Variants in CCSER1 observed in about 807,000 individuals in gnomAD.
CCSER1 encodes coiled-coil serine rich protein 1.
A neutral mutation model predicts 82.0 loss-of-function variants in CCSER1; 41 were observed. The ratio of observed to expected loss-of-function variants is 0.50; its 90% CI spans 0.39 to 0.65. The LOEUF (loss-of-function observed/expected upper bound fraction) is 0.65. Ranked by LOEUF, CCSER1 falls within the 30% of genes least tolerant of loss-of-function variation. The probability of loss-of-function intolerance (pLI) is 0.00; values close to 1 mark genes in which losing one functional copy is unlikely to be tolerated. For synonymous variants in CCSER1, 414 were observed against 383.9 expected, an observed-to-expected ratio of 1.08 and a Z score of -0.92; for missense variants, 1,119 against 1,064.2, an observed-to-expected ratio of 1.05 and a Z score of -0.72.
chr4:91,157,920 A>G (rs2148968623), intron 10 of CCSER1, among the ~76,000 whole-genome samples: 1 of 152,154 alleles, frequency 6.6e-6, no homozygotes, highest in Admixed American at 6.5e-5. Flanking sequence ...TCTTCAGGCA[A>G]TAAGAGGGTC....
intron 6 of CCSER1, among the ~76,000 whole-genome samples, chr4:90,707,057 C>T (rs577402092): frequency 5.5e-4 from 84 of 152,276 alleles, no homozygotes; most frequent in Admixed American, 2.2e-3. Context: ...CCCATGCCAT[C>T]AGACTGTATC....
At chr4:90,434,429 T>G (rs921764780) in intron 4 of CCSER1, among the ~76,000 whole-genome samples, 6 of 152,188 alleles carry the variant, frequency 3.9e-5, no homozygotes, top group Non-Finnish European at 8.8e-5. Context: ...CATCATTTTT[T>G]CCAGGCTTAT....
intron 8 of CCSER1, among the ~76,000 whole-genome samples, chr4:90,866,099 A>T (rs1283144251): frequency 2.6e-5 from 4 of 151,892 alleles, no homozygotes; most frequent in Non-Finnish European, 5.9e-5. Flanking sequence ...ACCTCCCAAG[A>T]GTCCCCACCT....
chr4:90,137,692 A>G (rs138870380), intron 1 of CCSER1, among the ~76,000 whole-genome samples: 34 of 152,358 alleles, frequency 2.2e-4, no homozygotes, highest in African/African-American at 4.6e-4. Flanking sequence ...CTCAATTCCA[A>G]TCTGCTAGCC....
chr4:90,649,041 G>A (rs749832527), intron 6 of CCSER1, among the ~76,000 whole-genome samples: 44 of 152,108 alleles, frequency 2.9e-4, no homozygotes, highest in Non-Finnish European at 4.7e-4. Context: ...AAGAAAACAG[G>A]GGCAATGCTC....
At chr4:91,057,609 C>T (rs1743567130) in intron 9 of CCSER1, among the ~76,000 whole-genome samples, 1 of 152,080 alleles carries the variant, frequency 6.6e-6, no homozygotes, top group Admixed American at 6.6e-5. Context: ...CAAGGCTGCT[C>T]TTTCGTTAAT....
chr4:90,288,133 T>C (rs888964303), intron 1 of CCSER1, among the ~76,000 whole-genome samples: 2 of 151,980 alleles, frequency 1.3e-5, no homozygotes, highest in African/African-American at 2.4e-5. Context: ...ATTATTGCAA[T>C]AGAATCCTAA....
intron 7 of CCSER1, among the ~76,000 whole-genome samples, chr4:90,810,600 G>C (rs1758127483): frequency 6.6e-6 from 1 of 151,640 alleles, no homozygotes; most frequent in Non-Finnish European, 1.5e-5. Flanking sequence ...AGCCGAGATT[G>C]TGCCAAGGCA....
chr4:90,459,806 A>G (rs963863127), intron 4 of CCSER1, among the ~76,000 whole-genome samples: 4 of 152,142 alleles, frequency 2.6e-5, no homozygotes, highest in Admixed American at 2.6e-4. Flanking sequence ...TGCTTATTTC[A>G]TGTTTGACAT....
At position 91,550,994 on chromosome 4, in the gene CCSER1, G is replaced by A. The variant is rs190583267; in HGVS notation, c.2218-47578G>A. ...TAAGAACATAAAGTATTTTCTGCTT[G>A]ATATAGCCAGTAGCTCCAGATATAC... On this transcript the variant is annotated intron_variant, in intron 10 of 10. Transcript: ENST00000509176. 1.8e-4 allele frequency among the ~76,000 whole-genome samples: 28 copies of A among 152,106 alleles called. No homozygotes were observed. The East Asian group carries it at 4.8e-3, about 26-fold the overall frequency.
chr4:90,734,569 C>A lies in CCSER1; in HGVS notation c.2010+10578C>A, dbSNP rs1409144654. ...CCTAGGTATTTATTTTTGTTTATAG[C>A]TATTGTAAATTGGATTACTTTCTTG... On this transcript the variant is annotated intron_variant, in intron 7 of 10. Transcript: ENST00000509176. Among the ~76,000 whole-genome samples the A allele has an allele frequency of 3.3e-5, 5 of 152,068 alleles. No homozygotes were observed. In the East Asian group the frequency reaches 9.6e-4, roughly 29 times the overall value.
chr4:91,375,370 T>G (rs958457612), intron 10 of CCSER1, among the ~76,000 whole-genome samples: 1 of 152,190 alleles, frequency 6.6e-6, no homozygotes, highest in African/African-American at 2.4e-5. Context: ...TAAACTTAGT[T>G]GATAAAGCAG....
At chr4:90,378,808 T>C (rs1191578050) in intron 3 of CCSER1, among the ~76,000 whole-genome samples, 1 of 152,202 alleles carries the variant, frequency 6.6e-6, no homozygotes, top group Non-Finnish European at 1.5e-5. Context: ...TAGATTGTTT[T>C]ACAATTGAGA....
At chr4:91,597,259 A>G (rs1764628109) in intron 10 of CCSER1, among the ~76,000 whole-genome samples, 1 of 152,128 alleles carries the variant, frequency 6.6e-6, no homozygotes, top group African/African-American at 2.4e-5. Flanking sequence ...ACTCTTGTGA[A>G]GAGTGAATAT....
intron 10 of CCSER1, among the ~76,000 whole-genome samples, chr4:91,539,287 A>C (rs1264174702): frequency 6.6e-6 from 1 of 152,102 alleles, no homozygotes; most frequent in East Asian, 1.9e-4. Flanking sequence ...TATCAAAACC[A>C]AGATCTTTCT....
chr4:90,480,236 C>A (rs1210341400), intron 5 of CCSER1, among the ~76,000 whole-genome samples: 1 of 151,880 alleles, frequency 6.6e-6, no homozygotes, highest in Non-Finnish European at 1.5e-5. Context: ...TTGTTTTTTT[C>A]TTGTAAATTT....
intron 8 of CCSER1, among the ~76,000 whole-genome samples, chr4:90,908,531 G>A (rs981410059): frequency 2.0e-5 from 3 of 152,154 alleles, no homozygotes; most frequent in Non-Finnish European, 2.9e-5. Flanking sequence ...TGGTAGTCAT[G>A]TGTGTAATTT....
At chr4:90,421,624 T>C (rs1578391664) in intron 4 of CCSER1, among the ~76,000 whole-genome samples, 1 of 152,210 alleles carries the variant, frequency 6.6e-6, no homozygotes, top group East Asian at 1.9e-4. Context: ...AAGGGTTTGT[T>C]TGAATTGGAT....
At chr4:90,554,689 A>C (rs1279480798) in intron 5 of CCSER1, among the ~76,000 whole-genome samples, 1 of 152,196 alleles carries the variant, frequency 6.6e-6, no homozygotes, top group Non-Finnish European at 1.5e-5. Context: ...GGAAGTCTTT[A>C]AATGCATGCC....
Sources: gnomAD v4.1 joint callset for allele counts (sites outside exome capture counted in the v4.1 genomes callset) on GRCh38, gnomAD v4.1.1 for gene constraint, MANE v1.5 for transcripts, NCBI Gene and HGNC (gene_info 2026-07-23, HGNC 2026-07-21) for gene names.